Variants in NFAM1 observed in about 807,000 individuals in gnomAD.
The protein encoded by NFAM1 is NFAT activation molecule 1.
In NFAM1, 17 loss-of-function variants were observed where a neutral mutation model predicts 29.0. The observed-to-expected ratio is 0.59, with a 90% confidence interval of 0.40 to 0.88. The LOEUF is 0.88. Ranked by LOEUF, NFAM1 falls within the 40% of genes least tolerant of loss-of-function variation. NFAM1 has a pLI of 0.00. For synonymous variants in NFAM1, 175 were observed against 147.2 expected (o/e 1.19, Z -1.36); for missense variants, 324 against 344.6 (o/e 0.94, Z 0.47).
intron 1 of NFAM1, among the ~76,000 whole-genome samples, chr22:42,430,250 G>A (rs1399678127): frequency 6.8e-6 from 1 of 147,790 alleles, no homozygotes; most frequent in African/African-American, 2.5e-5. Flanking sequence ...TGGACGGAGC[G>A]AGACCCTGTC....
At chr22:42,386,660 C>T (rs539872219) in intron 5 of NFAM1, among the ~76,000 whole-genome samples, 1 of 152,326 alleles carries the variant, frequency 6.6e-6, no homozygotes, top group South Asian at 2.1e-4. Flanking sequence ...TGCATGGGCA[C>T]AGCTGGGTCC....
chr22:42,405,241 G>A (rs907327204), intron 3 of NFAM1, among the ~76,000 whole-genome samples: 1 of 152,158 alleles, frequency 6.6e-6, no homozygotes, highest in African/African-American at 2.4e-5. Flanking sequence ...AGCAAATGGG[G>A]GGCTCAAGGT....
At chr22:42,391,630 A>T (rs1445767743) in intron 4 of NFAM1, among the ~76,000 whole-genome samples, 1 of 152,022 alleles carries the variant, frequency 6.6e-6, no homozygotes, top group Non-Finnish European at 1.5e-5. Flanking sequence ...CGTGGGTAAG[A>T]GGCACTCAGA....
At chr22:42,395,806 C>G (rs1172203351) in intron 4 of NFAM1, among the ~76,000 whole-genome samples, 1 of 147,744 alleles carries the variant, frequency 6.8e-6, no homozygotes, top group Admixed American at 7.0e-5. Flanking sequence ...TGGCATGAAC[C>G]TGGGAGGCAG....
chr22:42,424,123 A>T lies in NFAM1; in HGVS notation c.121+8114T>A, dbSNP rs571563507. On this transcript the variant is annotated intron_variant, in intron 1 of 5. Coordinates refer to ENST00000329021, the MANE Select transcript of NFAM1 (RefSeq NM_145912.8). ...CTGAGACCCCATCTCTTTAAAAAAA[A>T]ACAAACACATGGCTGGGCGCGGTGG... Among the ~76,000 whole-genome samples, 4 of 152,262 alleles carry T rather than the reference A, an allele frequency of 2.6e-5. No homozygotes were observed. In the South Asian group the frequency reaches 6.2e-4, roughly 24 times the overall value.
chr22:42,411,018 T>C (rs928794467), intron 2 of NFAM1, among the ~76,000 whole-genome samples: 1 of 120,240 alleles, frequency 8.3e-6, no homozygotes, highest in East Asian at 2.1e-4. Context: ...TCTTTTCTTT[T>C]CTTTTTTTTT....
chr22:42,415,911 C>T (rs772363555), intron 1 of NFAM1, among the ~76,000 whole-genome samples: 130 of 152,320 alleles, frequency 8.5e-4, no homozygotes, highest in Non-Finnish European at 1.5e-3. Context: ...CCTGCCGTGG[C>T]AACATCCCCA....
intron 4 of NFAM1, among the ~76,000 whole-genome samples, chr22:42,395,244 C>G (rs1216180925): frequency 6.6e-6 from 1 of 150,714 alleles, no homozygotes; most frequent in East Asian, 2.0e-4. Context: ...GAGGCCGAGG[C>G]GGGTGGATCA....
Position 42,409,311 on chromosome 22 carries a change from G to T in NFAM1, c.564+124C>A. The T allele has an allele frequency of 2.0e-6, 1 of 497,544 alleles. No individual in the cohort carries two copies. Among genetic ancestry groups the T allele is most frequent in the Non-Finnish European group, 3.6e-6 (1 of 276,822 alleles). 30.8% of individuals were successfully genotyped at this position (497,544 alleles called of 1,614,324 possible). On this transcript the variant is annotated intron_variant, in intron 3 of 5. Transcript: ENST00000329021. The surrounding 1 kb of genome is among the most constrained non-coding windows in gnomAD (Gnocchi z 4.9). ...AGCCCTGGTGCAAGGGGCCACGAGG[G>T]CCACCTGTTACAGATGTGGATGTGC...
the NFAM1 span, among the ~76,000 whole-genome samples, chr22:42,437,544 G>C: frequency 1.3e-5 from 2 of 152,136 alleles, no homozygotes; most frequent in East Asian, 3.8e-4. Context: ...CACAGAACCA[G>C]GAGGCCCTCA....
intron 1 of NFAM1, among the ~76,000 whole-genome samples, chr22:42,415,020 C>A (rs1012770176): frequency 6.6e-6 from 1 of 152,186 alleles, no homozygotes; most frequent in African/African-American, 2.4e-5. Flanking sequence ...AGGCTCATGA[C>A]AATGCACTGC....
intron 4 of NFAM1, among the ~76,000 whole-genome samples, chr22:42,387,577 C>T (rs1929194219): frequency 6.6e-6 from 1 of 151,290 alleles, no homozygotes; most frequent in Admixed American, 6.6e-5. Context: ...CTCCCCAACC[C>T]CCACCCCAGC....
intron 5 of NFAM1, 99 bp downstream of exon 5, chr22:42,386,890 G>A: frequency 1.6e-6 from 1 of 644,532 alleles, no homozygotes; most frequent in South Asian, 2.1e-5. Flanking sequence ...TCCACAGCAG[G>A]TGGCTCACTT....
chr22:42,403,637 A>G (rs1010277513), intron 3 of NFAM1, among the ~76,000 whole-genome samples: 2 of 152,214 alleles, frequency 1.3e-5, no homozygotes, highest in African/African-American at 2.4e-5. Flanking sequence ...GAATTTAATG[A>G]CAGGTGTGAA....
chr22:42,380,783 A>G lies in NFAM1; in HGVS notation c.*4378T>C, dbSNP rs1023495710. Reference sequence around the variant, plus strand: ...AATGGAGCATGGACTTTACATTAGAATGTGCTTTAACAAAAAAAAAAAGAG... The same window carrying G: ...AATGGAGCATGGACTTTACATTAGAGTGTGCTTTAACAAAAAAAAAAAGAG... On this transcript the variant is annotated 3_prime_UTR_variant, in exon 6 of 6. Coordinates refer to ENST00000329021, the MANE Select transcript of NFAM1 (RefSeq NM_145912.8). The G allele has an allele frequency of 6.6e-6, 1 of 151,974 alleles. No homozygotes were observed. Among genetic ancestry groups the G allele is most frequent in the Non-Finnish European group, 1.5e-5 (1 of 67,838 alleles). 9.4% of individuals were successfully genotyped at this position (151,974 alleles called of 1,614,324 possible).
rs1283053559 is a variant in NFAM1 at position 42,388,655 on chromosome 22, AGGAGGGAG to A, written c.664-1585_664-1578del. Among the ~76,000 whole-genome samples, 158 of 144,372 alleles carry A rather than the reference AGGAGGGAG, an allele frequency of 1.1e-3. 6 individuals are homozygous for A. In the South Asian group the frequency reaches 0.038, roughly 35 times the overall value. 94.7% of individuals were successfully genotyped at this position (144,372 alleles called of 152,430 possible). A position where few individuals can be genotyped will look rare whatever the true frequency, so the allele number is the denominator to read the frequency against. On this transcript the variant is annotated intron_variant, in intron 4 of 5. Coordinates refer to ENST00000329021, the MANE Select transcript of NFAM1 (RefSeq NM_145912.8). The surrounding 1 kb of genome is among the most constrained non-coding windows in gnomAD (Gnocchi z 4.1). ...GGAGGAGGGCGGGAGGCGGGAGGGAAGGAGGGAGGGAGGCAGGCGCCAAGAGGCAGCTG... is the reference window on the plus strand; with the variant it reads ...GGAGGAGGGCGGGAGGCGGGAGGGAAGGAGGCAGGCGCCAAGAGGCAGCTG...
chr22:42,420,941 A>G (rs929598034), intron 1 of NFAM1, among the ~76,000 whole-genome samples: 5 of 152,222 alleles, frequency 3.3e-5, no homozygotes, highest in African/African-American at 1.2e-4. Context: ...AATGGTAGTC[A>G]GAAATGGCCC....
At chr22:42,398,142 T>C (rs1208998007) in intron 3 of NFAM1, among the ~76,000 whole-genome samples, 186 bp from the exon 4 acceptor site, 1 of 152,228 alleles carries the variant, frequency 6.6e-6, no homozygotes, top group African/African-American at 2.4e-5. Context: ...AAGCCATTCC[T>C]GCACCTGGAG....
chr22:42,421,658 C>T (rs143004159), intron 1 of NFAM1, among the ~76,000 whole-genome samples: 99 of 152,226 alleles, frequency 6.5e-4, no homozygotes, highest in Middle Eastern at 3.4e-3. Flanking sequence ...GCATCAAGCG[C>T]GCGTTGTCAG....
Sources: allele counts gnomAD v4.1 joint callset (sites outside exome capture counted in the v4.1 genomes callset), GRCh38; gene constraint gnomAD v4.1.1; non-coding constraint Gnocchi (gnomAD v3.1); transcripts MANE v1.5; gene names NCBI Gene and HGNC (gene_info 2026-07-23, HGNC 2026-07-21).